The following HDDC3 variants were observed in gnomAD, a reference collection of about 807,000 sequenced individuals.
The protein encoded by HDDC3 is HD domain containing 3.
A neutral mutation model predicts 19.1 loss-of-function variants in HDDC3; 18 were observed. That is an observed-to-expected ratio of 0.94 (90% CI 0.65 to 1.40). The LOEUF (loss-of-function observed/expected upper bound fraction) is 1.40, where lower values mean the gene tolerates loss of function less well. Ranked by LOEUF, HDDC3 falls within the 40% of genes most tolerant of loss-of-function variation. The pLI, the probability that HDDC3 is intolerant of heterozygous loss-of-function variation, is 0.00. For synonymous variants in HDDC3, 107 were observed against 99.4 expected (o/e 1.08, Z -0.46); for missense variants, 250 against 228.9 (o/e 1.09, Z -0.59).
chr15:90,931,764 G>A lies in HDDC3; in HGVS notation c.349C>T (p.Leu117=). 2 of 1,614,124 alleles carry A rather than the reference G, an allele frequency of 1.2e-6. No homozygotes were observed. The highest frequency in any genetic ancestry group is 1.6e-4 in the Middle Eastern group (1 of 6,062). Residue 117 remains leucine, a synonymous_variant, in exon 3 of 4, where the codon CTG becomes TTG. Coordinates refer to ENST00000394272, the MANE Select transcript of HDDC3 (RefSeq NM_001286451.2). ...QAPHSSPGAK[L]VKLADKLYNL... ...TACAGCTTGTCTGCCAGCTTCACCA[G>A]TTTGGCCCCGGGGCTACTGTGGGGC...
Position 90,931,358 on chromosome 15 carries a change from C to A in HDDC3, c.457G>T (p.Val153Leu). 1 of 1,553,970 alleles carries A rather than the reference C, an allele frequency of 6.4e-7. No homozygotes were observed. Among genetic ancestry groups the A allele is most frequent in the Non-Finnish European group, 8.7e-7 (1 of 1,147,972 alleles). Residue 153 changes from valine to leucine, a missense_variant, in exon 4 of 4, where the codon GTG becomes TTG. Transcript: ENST00000394272. ...VQEYFEWAAQVVKGLQGTNRQ... is the reference protein window; with the variant it reads ...VQEYFEWAAQLVKGLQGTNRQ... ...TTTGTTCCCTGAAGCCCCTTCACCACCTGCGCTGCCCACTCGAAGTATTCC... is the reference window on the plus strand; with the variant it reads ...TTTGTTCCCTGAAGCCCCTTCACCAACTGCGCTGCCCACTCGAAGTATTCC...
At chr15:90,932,269 C>T in intron 1 of HDDC3, 159 bp from the exon 2 acceptor site, 1 of 863,302 alleles carries the variant, frequency 1.2e-6, no homozygotes, top group Non-Finnish European at 1.7e-6. Context: ...ACAAAGGGAA[C>T]GATCATGCCT....
chr15:90,931,998 C>T, intron 2 of HDDC3, 54 bp from the exon 3 acceptor site: 1 of 1,613,912 alleles, frequency 6.2e-7, no homozygotes, highest in Non-Finnish European at 8.5e-7. Context: ...TTGCCCATTG[C>T]TGAATGGGGC....
chr15:90,932,170 T>C (rs528643436), intron 1 of HDDC3, 60 bp from the exon 2 acceptor site: 5 of 1,527,418 alleles, frequency 3.3e-6, no homozygotes, highest in Admixed American at 4.0e-5. Flanking sequence ...CGGTGTGTTG[T>C]GGGTTTTGGA....
rs780997119 is a variant in HDDC3 at position 90,931,759 on chromosome 15, C to A, written c.354G>T (p.Val118=). 17 of 1,614,052 alleles carry A rather than the reference C, an allele frequency of 1.1e-5. No individual in the cohort carries two copies. In the Admixed American group the frequency reaches 2.8e-4, roughly 27 times the overall value. ...APHSSPGAKL[V]KLADKLYNLR... is the part of the protein sequence containing the mutation. Reference sequence around the variant, plus strand: ...GATTGTACAGCTTGTCTGCCAGCTTCACCAGTTTGGCCCCGGGGCTACTGT... The same window carrying A: ...GATTGTACAGCTTGTCTGCCAGCTTAACCAGTTTGGCCCCGGGGCTACTGT... The change falls in exon 3 of 4, where the codon GTG becomes GTT. Residue 118 remains valine, a synonymous_variant. Transcript: ENST00000394272.
At chr15:90,931,531 C>A in intron 3 of HDDC3, 126 bp from the exon 4 acceptor site, 1 of 1,614,154 alleles carries the variant, frequency 6.2e-7, no homozygotes, top group Non-Finnish European at 8.5e-7. Context: ...TGAAAACTTC[C>A]CCTTGGCCCA....
In HDDC3 at chr15:90,931,121, G is replaced by T; in HGVS notation, c.*154C>A. On this transcript the variant is annotated 3_prime_UTR_variant, in exon 4 of 4. Transcript: ENST00000394272. ...GCGGGGCTCAGCTTAGTTAGCAGGA[G>T]ACCTTCAGACTGAGAAAAAATGCAA... 1.2e-6 allele frequency: 1 copy of T among 857,606 alleles called. No homozygotes were observed. Among genetic ancestry groups the T allele is most frequent in the Non-Finnish European group, 1.8e-6 (1 of 565,012 alleles). 53.1% of individuals were successfully genotyped at this position (857,606 alleles called of 1,614,324 possible). A position where few individuals can be genotyped will look rare whatever the true frequency, so the allele number is the denominator to read the frequency against.
At chr15:90,932,222 A>G (rs538760292) in intron 1 of HDDC3, 112 bp from the exon 2 acceptor site, 3 of 1,218,372 alleles carry the variant, frequency 2.5e-6, no homozygotes, top group Non-Finnish European at 3.4e-6. Flanking sequence ...TAGCTGGGTG[A>G]CCTTGGTCAA....
Position 90,931,938 on chromosome 15 carries a change from G to A in HDDC3, c.175C>T (p.Leu59=), listed in dbSNP as rs1350824580. ...GTGTCCTCCACCGTGTCATGGAGCAGGGCCGCCTGGGGACAAGTTCCCACT... is the reference window on the plus strand; with the variant it reads ...GTGTCCTCCACCGTGTCATGGAGCAAGGCCGCCTGGGGACAAGTTCCCACT... ...ITDIVVLQAA[L]LHDTVEDTDT... is the part of the protein sequence containing the mutation. The change falls in exon 3 of 4, where the codon CTG becomes TTG. Residue 59 remains leucine (L), a synonymous_variant. Coordinates refer to ENST00000394272, the MANE Select transcript of HDDC3 (RefSeq NM_001286451.2). 1 of 1,613,810 alleles carries A rather than the reference G, an allele frequency of 6.2e-7. No individual in the cohort carries two copies. Among genetic ancestry groups the A allele is most frequent in the African/African-American group, 1.3e-5 (1 of 75,044 alleles).
Position 90,931,373 on chromosome 15 carries a change from C to G in HDDC3, c.442G>C (p.Glu148Gln), listed in dbSNP as rs771948355. 6.4e-7 allele frequency: 1 copy of G among 1,558,342 alleles called. No homozygotes were observed. The highest frequency in any genetic ancestry group is 8.7e-7 in the Non-Finnish European group (1 of 1,150,230). Residue 148 changes from glutamate to glutamine, a missense_variant, in exon 4 of 4, where the codon GAG becomes CAG. Coordinates refer to ENST00000394272, the MANE Select transcript of HDDC3 (RefSeq NM_001286451.2). Reference protein sequence around the residue: ...WSEHRVQEYFEWAAQVVKGLQ... With the variant: ...WSEHRVQEYFQWAAQVVKGLQ... ...CCCTTCACCACCTGCGCTGCCCACT[C>G]GAAGTATTCCTGGACTCGATGTTCT...
rs560935984 is a variant in HDDC3 at position 90,931,245 on chromosome 15, G to C, written c.*30C>G. ...CCTGTCCGGCCTGAACGAGGCTGGA[G>C]TTGTGCCTCTGGATAGCTTCAAGCA... On this transcript the variant is annotated 3_prime_UTR_variant, in exon 4 of 4. Coordinates refer to ENST00000394272, the MANE Select transcript of HDDC3 (RefSeq NM_001286451.2). 6.5e-7 allele frequency: 1 copy of C among 1,550,384 alleles called. No homozygotes were observed. Among genetic ancestry groups the C allele is most frequent in the East Asian group, 2.4e-5 (1 of 40,922 alleles).
At position 90,931,361 on chromosome 15, in the gene HDDC3, G is replaced by T. The variant is rs949916887; in HGVS notation, c.454C>A (p.Gln152Lys). The change falls in exon 4 of 4, where the codon CAG becomes AAG. Residue 152 changes from glutamine to lysine, a missense_variant. By Grantham distance (53) the Gln-to-Lys change is moderately conservative. Transcript: ENST00000394272. ...RVQEYFEWAA[Q>K]VVKGLQGTNR... ...GTTCCCTGAAGCCCCTTCACCACCT[G>T]CGCTGCCCACTCGAAGTATTCCTGG... 2.6e-6 allele frequency: 4 copies of T among 1,554,252 alleles called. No individual in the cohort carries two copies. Among genetic ancestry groups the T allele is most frequent in the Admixed American group, 3.9e-5 (2 of 51,092 alleles).
In HDDC3 at chr15:90,931,620, G is replaced by A. The variant is rs965144381; in HGVS notation, c.409+84C>T. 11 of 1,613,896 alleles carry A rather than the reference G, an allele frequency of 6.8e-6. No homozygotes were observed. In the African/African-American group the frequency reaches 1.2e-4, roughly 18 times the overall value. On this transcript the variant is annotated intron_variant, in intron 3 of 3. Transcript: ENST00000394272. ...AATTTGGGAATTAAGAATGCCCAGG[G>A]TTTTTCAGGGGAACTGACCAACATG...
chr15:90,932,460 G>A lies in HDDC3; in HGVS notation c.81C>T (p.Pro27=). The A allele has an allele frequency of 1.5e-6, 2 of 1,334,732 alleles. No homozygotes were observed. The highest frequency in any genetic ancestry group is 9.6e-7 in the Non-Finnish European group (1 of 1,044,084). The allele number at this position is 1,334,732 out of a possible 1,614,324, so 82.7% of individuals were successfully genotyped here. ...RKHRQQRRKD[P]EGTPYINHPI... is the part of the protein sequence containing the mutation. ...GGTGGTTGATGTAGGGGGTCCCCTC[G>A]GGGTCCTTCCGCCGCTGCTGCCGGT... Residue 27 remains proline (P), a synonymous_variant, in exon 1 of 4, where the codon CCC becomes CCT. Coordinates refer to ENST00000394272, the MANE Select transcript of HDDC3 (RefSeq NM_001286451.2).
intron 3 of HDDC3, 60 bp downstream of exon 3, chr15:90,931,644 T>C (rs746943969): frequency 6.2e-7 from 1 of 1,614,020 alleles, no homozygotes; most frequent in East Asian, 2.2e-5. Flanking sequence ...CTGACCAACA[T>C]GTGTCTTCAG....
In HDDC3 at chr15:90,932,506, G is replaced by A. The variant is rs199831268; in HGVS notation, c.35C>T (p.Ala12Val). 174 of 1,300,590 alleles carry A rather than the reference G, an allele frequency of 1.3e-4. No individual in the cohort carries two copies. In the African/African-American group the frequency reaches 2.4e-3, roughly 18 times the overall value. 80.6% of individuals were successfully genotyped at this position (1,300,590 alleles called of 1,614,324 possible). A position where few individuals can be genotyped will look rare whatever the true frequency, so the allele number is the denominator to read the frequency against. ...GSEAAQLLEA[A>V]DFAARKHRQQ... ...CCGGTGCTTGCGAGCCGCGAAGTCG[G>A]CAGCCTCCAGCAGCTGCGCCGCCTC... Residue 12 changes from alanine to valine, a missense_variant, in exon 1 of 4, where the codon GCC (alanine) becomes GTC (valine). Ala to Val is a moderately conservative substitution (Grantham distance 64, BLOSUM62 0). Transcript: ENST00000394272.
In HDDC3 at chr15:90,932,046, GA is replaced by G. The variant is rs2035815883; in HGVS notation, c.168+8del. The G allele has an allele frequency of 6.2e-7, 1 of 1,613,732 alleles. No homozygotes were observed. The highest frequency in any genetic ancestry group is 8.5e-7 in the Non-Finnish European group (1 of 1,179,826). On this transcript the variant is annotated splice_region_variant and intron_variant, in intron 2 of 3. Coordinates refer to ENST00000394272, the MANE Select transcript of HDDC3 (RefSeq NM_001286451.2). ...TCCCAGGCTCCTGGCAGAGAAGGGG[GA>G]AAGTTACCTGTAACACCACAATGTC...
chr15:90,932,495 CCGCGAA>C lies in HDDC3; in HGVS notation c.40_45del (p.Phe14_Ala15del). The C allele has an allele frequency of 7.6e-7, 1 of 1,310,900 alleles. No homozygotes were observed. Among genetic ancestry groups the C allele is most frequent in the Non-Finnish European group, 9.7e-7 (1 of 1,030,508 alleles). The allele number at this position is 1,310,900 out of a possible 1,614,324, so 81.2% of individuals were successfully genotyped here. A position where few individuals can be genotyped will look rare whatever the true frequency, so the allele number is the denominator to read the frequency against. On this transcript the variant is annotated inframe_deletion, in exon 1 of 4. Coordinates refer to ENST00000394272, the MANE Select transcript of HDDC3 (RefSeq NM_001286451.2). ...CGCCGCTGCTGCCGGTGCTTGCGAG[CCGCGAA>C]GTCGGCAGCCTCCAGCAGCTGCGCC...
chr15:90,931,615 C>T, intron 3 of HDDC3, 89 bp downstream of exon 3: 1 of 1,613,956 alleles, frequency 6.2e-7, no homozygotes, highest in Admixed American at 1.7e-5. Flanking sequence ...TTAAGAATGC[C>T]CAGGGTTTTT....
Sources: allele counts gnomAD v4.1 joint callset, GRCh38; gene constraint gnomAD v4.1.1; transcripts MANE v1.5; gene names NCBI Gene and HGNC (gene_info 2026-07-23, HGNC 2026-07-21).